SYN2: variants seen among roughly 807,000 people sequenced by gnomAD.
The protein encoded by SYN2 is synapsin-2.
SYN2 carries 19 observed loss-of-function variants against 50.9 expected under a neutral mutation model. That is an observed-to-expected ratio of 0.37 (90% CI 0.26 to 0.55). The LOEUF is 0.55. SYN2 is among the 20% of genes least tolerant of loss of function. The probability of loss-of-function intolerance (pLI) is 0.81; values close to 1 mark genes in which losing one functional copy is unlikely to be tolerated. For synonymous variants in SYN2, 255 were observed against 224.9 expected (o/e 1.13, Z -1.20); for missense variants, 587 against 576.4 (o/e 1.02, Z -0.19).
chr3:12,142,774 A>G (rs889325678), intron 3 of SYN2, among the ~76,000 whole-genome samples: 3 of 152,190 alleles, frequency 2.0e-5, no homozygotes, highest in Admixed American at 6.5e-5. Flanking sequence ...TTCAGACATC[A>G]GTCTTGTTCC....
At chr3:12,022,965 C>T (rs750078009) in intron 1 of SYN2, among the ~76,000 whole-genome samples, 6 of 152,070 alleles carry the variant, frequency 3.9e-5, no homozygotes, top group East Asian at 1.9e-4. Context: ...AATGCACACC[C>T]GGTGGTGGAG....
At chr3:12,041,631 C>G (rs552839311) in intron 1 of SYN2, among the ~76,000 whole-genome samples, 6 of 152,148 alleles carry the variant, frequency 3.9e-5, no homozygotes, top group African/African-American at 1.4e-4. Context: ...CCTTCTAGTT[C>G]GTGTCCTTGC....
intron 4 of SYN2, among the ~76,000 whole-genome samples, chr3:12,146,706 A>G (rs1418843174): frequency 6.6e-6 from 1 of 152,126 alleles, no homozygotes; most frequent in Non-Finnish European, 1.5e-5. Flanking sequence ...TTGGAAATCT[A>G]GGAGGGCAGT....
At chr3:12,156,500 C>T (rs1483366230) in intron 5 of SYN2, among the ~76,000 whole-genome samples, 3 of 152,202 alleles carry the variant, frequency 2.0e-5, no homozygotes, top group Non-Finnish European at 2.9e-5. Context: ...GAGACTTCGA[C>T]TCAAGTTGCC....
chr3:12,070,948 A>G lies in SYN2; in HGVS notation c.377+66020A>G, dbSNP rs115506850. On this transcript the variant is annotated intron_variant, in intron 1 of 12. Coordinates refer to ENST00000621198, the MANE Select transcript of SYN2 (RefSeq NM_133625.6). Reference sequence around the variant, plus strand: ...CGCCGCATCCTCCTCCTCTCTGGAGAAGAGCTAGGAGCTGCCTGACAGCCT... The same window carrying G: ...CGCCGCATCCTCCTCCTCTCTGGAGGAGAGCTAGGAGCTGCCTGACAGCCT... The G allele has an allele frequency of 7.0e-3, 3,833 of 551,060 alleles. 24 individuals are homozygous for G. The highest frequency in any genetic ancestry group is 0.011 in the Non-Finnish European group (2,967 of 275,450). The allele number at this position is 551,060 out of a possible 1,614,324, so 34.1% of individuals were successfully genotyped here.
chr3:12,171,432 A>G (rs1010804465), intron 10 of SYN2, among the ~76,000 whole-genome samples: 3 of 152,310 alleles, frequency 2.0e-5, no homozygotes, highest in African/African-American at 7.2e-5. Context: ...AAGAGTGACA[A>G]GTAGTCCCTT....
chr3:12,059,249 AGTAC>A (rs1283699132), intron 1 of SYN2, among the ~76,000 whole-genome samples: 5 of 152,240 alleles, frequency 3.3e-5, no homozygotes, highest in African/African-American at 7.2e-5. Flanking sequence ...GGAAAGCAGA[AGTAC>A]AAGGAAAATC....
intron 5 of SYN2, 129 bp from the exon 6 acceptor site, chr3:12,161,417 G>C: frequency 9.7e-7 from 1 of 1,030,624 alleles, no homozygotes; most frequent in Non-Finnish European, 1.4e-6. Context: ...TTTTTAATCT[G>C]TAAAGCAAGT....
At chr3:12,122,296 T>C (rs1696578289) in intron 1 of SYN2, among the ~76,000 whole-genome samples, 2 of 152,156 alleles carry the variant, frequency 1.3e-5, no homozygotes, top group African/African-American at 4.8e-5. Flanking sequence ...CTTAAAATCC[T>C]CAACTCTGAA....
intron 5 of SYN2, chr3:12,157,026 A>C: frequency 1.1e-6 from 1 of 918,506 alleles, no homozygotes. Flanking sequence ...CAGCCTAAAA[A>C]TGTAAGCAAA....
At chr3:12,077,564 T>C (rs1329992090) in intron 1 of SYN2, among the ~76,000 whole-genome samples, 1 of 152,300 alleles carries the variant, frequency 6.6e-6, no homozygotes, top group East Asian at 1.9e-4. Flanking sequence ...AGTGAGAATA[T>C]GCGGTGTTTG....
intron 1 of SYN2, among the ~76,000 whole-genome samples, chr3:12,113,861 TG>T (rs1327751860): frequency 2.6e-5 from 4 of 152,156 alleles, no homozygotes; most frequent in African/African-American, 4.8e-5. Flanking sequence ...ATGGACATTT[TG>T]GGCTATTTTC....
At chr3:12,128,062 C>T (rs1696710913) in intron 1 of SYN2, among the ~76,000 whole-genome samples, 1 of 151,916 alleles carries the variant, frequency 6.6e-6, no homozygotes, top group African/African-American at 2.4e-5. Flanking sequence ...CCTCCCACCT[C>T]AGCTCCTAAG....
intron 1 of SYN2, chr3:12,071,240 G>C (rs575631237): frequency 3.6e-6 from 2 of 554,710 alleles, no homozygotes; most frequent in Non-Finnish European, 7.3e-6. Context: ...CCCCCAGAGC[G>C]CAAGTACTCT....
At chr3:12,087,606 G>A (rs895783111) in intron 1 of SYN2, among the ~76,000 whole-genome samples, 1 of 151,732 alleles carries the variant, frequency 6.6e-6, no homozygotes, top group African/African-American at 2.4e-5. Context: ...AAAAAAAATA[G>A]CTAGGAGTGG....
At chr3:12,014,220 AG>A (rs1182938924) in intron 1 of SYN2, among the ~76,000 whole-genome samples, 1 of 152,198 alleles carries the variant, frequency 6.6e-6, no homozygotes, top group Non-Finnish European at 1.5e-5. Flanking sequence ...CATCCAGCAT[AG>A]GGCTTGACAC....
intron 1 of SYN2, among the ~76,000 whole-genome samples, chr3:12,011,256 A>C (rs1264793876): frequency 6.6e-6 from 1 of 152,258 alleles, no homozygotes; most frequent in Non-Finnish European, 1.5e-5. Context: ...CTTTTTTATA[A>C]GAAAAAAATT....
intron 4 of SYN2, among the ~76,000 whole-genome samples, chr3:12,148,131 G>C (rs1442839295): frequency 6.6e-6 from 1 of 151,922 alleles, no homozygotes; most frequent in Non-Finnish European, 1.5e-5. Context: ...AAAAAGAAAT[G>C]TGTTCCCTGT....
intron 11 of SYN2, 175 bp downstream of exon 11, chr3:12,183,547 C>A (rs1191998105): frequency 2.2e-5 from 33 of 1,529,372 alleles, no homozygotes; most frequent in Non-Finnish European, 2.3e-5. Flanking sequence ...TTGCTGCGTT[C>A]TTTCAATGCT....
Sources: allele counts gnomAD v4.1 joint callset (sites outside exome capture counted in the v4.1 genomes callset), GRCh38; gene constraint gnomAD v4.1.1; transcripts MANE v1.5; gene names NCBI Gene and HGNC (gene_info 2026-07-23, HGNC 2026-07-21).